IMPG1: variants seen among roughly 807,000 people sequenced by gnomAD.
The protein encoded by IMPG1 is interphotoreceptor matrix proteoglycan of 150 kDa.
Under a neutral mutation model 92.0 loss-of-function variants are expected in IMPG1, and 85 were observed. That is an observed-to-expected ratio of 0.92 (90% CI 0.78 to 1.11). The LOEUF (loss-of-function observed/expected upper bound fraction) is 1.11, where lower values mean the gene tolerates loss of function less well. Ranked by LOEUF, IMPG1 falls within the 50% of genes least tolerant of loss-of-function variation. The probability of loss-of-function intolerance (pLI) is 0.00; values close to 1 mark genes in which losing one functional copy is unlikely to be tolerated. For synonymous variants in IMPG1, 367 were observed against 334.1 expected, an observed-to-expected ratio of 1.10 and a Z score of -1.08; for missense variants, 1,022 against 956.0, an observed-to-expected ratio of 1.07 and a Z score of -0.91.
chr6:75,983,605 C>A (rs1782665488), intron 12 of IMPG1, among the ~76,000 whole-genome samples: 1 of 152,050 alleles, frequency 6.6e-6, no homozygotes, highest in South Asian at 2.1e-4. Context: ...AAATGTAAAA[C>A]CTGAAACTCT....
At chr6:75,985,994 C>A (rs1186097586) in intron 12 of IMPG1, among the ~76,000 whole-genome samples, 1 of 152,116 alleles carries the variant, frequency 6.6e-6, no homozygotes, top group Non-Finnish European at 1.5e-5. Context: ...AGGCCAGGAA[C>A]CATGGGCAGA....
intron 12 of IMPG1, among the ~76,000 whole-genome samples, chr6:75,951,777 A>G (rs1351002230): frequency 6.6e-6 from 1 of 152,092 alleles, no homozygotes; most frequent in Non-Finnish European, 1.5e-5. Flanking sequence ...GTTTATTAAT[A>G]TTTAAAACCT....
chr6:75,921,478 A>T lies in IMPG1; in HGVS notation c.*611T>A, dbSNP rs950187019. ...TCTGAACCTCAGTTTCTTTTAAAGA[A>T]CAATTCAAAGATTATTGGCAACAAA... On this transcript the variant is annotated 3_prime_UTR_variant, in exon 17 of 17. Coordinates refer to ENST00000369950, the MANE Select transcript of IMPG1 (RefSeq NM_001563.4). The T allele has an allele frequency of 6.6e-6, 1 of 152,664 alleles. No individual in the cohort carries two copies. The highest frequency in any genetic ancestry group is 2.4e-5 in the African/African-American group (1 of 41,474). 9.5% of individuals were successfully genotyped at this position (152,664 alleles called of 1,614,324 possible).
Position 75,973,219 on chromosome 6 carries a change from A to T in IMPG1, c.1292-22125T>A, listed in dbSNP as rs545484132. Among the ~76,000 whole-genome samples the T allele has an allele frequency of 2.2e-5, 3 of 137,400 alleles. No homozygotes were observed. In the South Asian group the frequency reaches 7.8e-4, roughly 36 times the overall value. The allele number at this position is 137,400 out of a possible 152,430, so 90.1% of individuals were successfully genotyped here. On this transcript the variant is annotated intron_variant, in intron 12 of 16. Coordinates refer to ENST00000369950, the MANE Select transcript of IMPG1 (RefSeq NM_001563.4). ...GGTCTCAAACTCCTGGCCTCAAGTG[A>T]TCCTTCCACTTCGGCCTCCCAAAGT... is the stretch of plus-strand genomic sequence containing the variant.
chr6:76,013,467 C>T (rs1051163771), intron 7 of IMPG1, among the ~76,000 whole-genome samples: 1 of 152,118 alleles, frequency 6.6e-6, no homozygotes, highest in African/African-American at 2.4e-5. Context: ...ACACTGCACC[C>T]ATTTTCAAAG....
chr6:75,992,834 G>T (rs80281468), intron 12 of IMPG1, among the ~76,000 whole-genome samples: 1 of 152,022 alleles, frequency 6.6e-6, no homozygotes, highest in Non-Finnish European at 1.5e-5. Context: ...TTCTCTTCAC[G>T]AAAGTCCTTT....
At chr6:76,011,532 T>C (rs928985198) in intron 7 of IMPG1, among the ~76,000 whole-genome samples, 2 of 152,074 alleles carry the variant, frequency 1.3e-5, no homozygotes, top group Non-Finnish European at 2.9e-5. Context: ...AAATATAAAA[T>C]AGCTTTAAGG....
intron 9 of IMPG1, among the ~76,000 whole-genome samples, chr6:76,005,783 C>T (rs768402477): frequency 4.0e-5 from 6 of 151,528 alleles, no homozygotes; most frequent in Non-Finnish European, 5.9e-5. Flanking sequence ...AGAAGGATTA[C>T]TAACTGAATC....
chr6:76,042,693 C>A (rs1783866895), intron 1 of IMPG1, among the ~76,000 whole-genome samples: 2 of 152,164 alleles, frequency 1.3e-5, no homozygotes, highest in South Asian at 4.1e-4. Flanking sequence ...ATAGTACAAG[C>A]TTTGCCGTTT....
At position 75,951,093 on chromosome 6, in the gene IMPG1, G is replaced by A. The variant is rs763551978; in HGVS notation, c.1293C>T (p.Asp431=). The A allele has an allele frequency of 1.9e-6, 3 of 1,592,360 alleles. No homozygotes were observed. The highest frequency in any genetic ancestry group is 1.1e-5 in the South Asian group (1 of 87,920). Residue 431 remains aspartate, a splice_region_variant and synonymous_variant, in exon 13 of 17, where the codon GAC becomes GAT. Coordinates refer to ENST00000369950, the MANE Select transcript of IMPG1 (RefSeq NM_001563.4). ...CCATAGCAGGTGGAGACCAAGAAGT[G>A]TCTGTGGAGGAAGTACAATTTCATT... The part of the protein sequence containing the change: ...TVDGAEHGLP[D]TSWSPPAMAS...
chr6:76,012,583 A>G (rs1783205148), intron 7 of IMPG1, among the ~76,000 whole-genome samples: 1 of 152,186 alleles, frequency 6.6e-6, no homozygotes, highest in African/African-American at 2.4e-5. Context: ...GAGGCAAGAG[A>G]GACTGAGGAA....
intron 4 of IMPG1, among the ~76,000 whole-genome samples, chr6:76,033,657 C>G (rs1783688109): frequency 6.6e-6 from 1 of 152,134 alleles, no homozygotes; most frequent in African/African-American, 2.4e-5. Context: ...AAAGTATTGT[C>G]AGTAATTCAT....
chr6:76,029,778 C>T (rs966575300), intron 4 of IMPG1, among the ~76,000 whole-genome samples: 6 of 152,158 alleles, frequency 3.9e-5, no homozygotes, highest in African/African-American at 1.2e-4. Flanking sequence ...CAAAGCCAAG[C>T]ACCATGCACC....
chr6:75,969,118 T>A (rs956774260), intron 12 of IMPG1, among the ~76,000 whole-genome samples: 4 of 151,910 alleles, frequency 2.6e-5, no homozygotes, highest in African/African-American at 9.7e-5. Context: ...CTCATACAAG[T>A]AGATAGTAAA....
At chr6:76,051,446 G>C (rs1784040830) in intron 1 of IMPG1, among the ~76,000 whole-genome samples, 1 of 152,174 alleles carries the variant, frequency 6.6e-6, no homozygotes. Context: ...TCTACAACTT[G>C]CTGTCCCACT....
chr6:75,931,482 G>C (rs1477855369), intron 14 of IMPG1, among the ~76,000 whole-genome samples: 2 of 152,186 alleles, frequency 1.3e-5, no homozygotes, highest in Admixed American at 6.5e-5. Context: ...ACTGAGTTCT[G>C]GCTCTAAAGC....
At position 75,926,898 on chromosome 6, in the gene IMPG1, A is replaced by G. The variant is rs139131221; in HGVS notation, c.2244-3192T>C. Among the ~76,000 whole-genome samples, 243 of 152,342 alleles carry G rather than the reference A, an allele frequency of 1.6e-3. 1 individual carries two copies. The highest frequency in any genetic ancestry group is 2.6e-3 in the Non-Finnish European group (180 of 68,030). The stretch of plus-strand genomic sequence containing the variant: ...ATGTAATGAGAAACAATGACAAGTA[A>G]CTGAAGCAATGGAAACTGCTCTTTG... On this transcript the variant is annotated intron_variant, in intron 15 of 16. Coordinates refer to ENST00000369950, the MANE Select transcript of IMPG1 (RefSeq NM_001563.4).
intron 6 of IMPG1, among the ~76,000 whole-genome samples, chr6:76,020,018 C>G (rs1783389120): frequency 6.6e-6 from 1 of 152,166 alleles, no homozygotes; most frequent in South Asian, 2.1e-4. Context: ...GAGGGAAGAA[C>G]ATTTTTCAGA....
rs1781439137 is a variant in IMPG1, at chr6:75,922,054, A to AGAT, written c.*32_*34dup. ...TTGAGAAGGCAAATCATCTCTCTTG[A>AGAT]GATAGCCTAAATGATAATTGTACAT... On this transcript the variant is annotated 3_prime_UTR_variant, in exon 17 of 17. Transcript: ENST00000369950. 1.1e-6 allele frequency: 1 copy of AGAT among 937,050 alleles called. No homozygotes were observed. The highest frequency in any genetic ancestry group is 1.6e-5 in the African/African-American group (1 of 61,678). The allele number at this position is 937,050 out of a possible 1,614,324, so 58.0% of individuals were successfully genotyped here. A position where few individuals can be genotyped will look rare whatever the true frequency, so the allele number is the denominator to read the frequency against.
Sources: allele counts gnomAD v4.1 joint callset (sites outside exome capture counted in the v4.1 genomes callset), GRCh38; gene constraint gnomAD v4.1.1; transcripts MANE v1.5; gene names NCBI Gene and HGNC (gene_info 2026-07-23, HGNC 2026-07-21).